IL16: variants seen among roughly 807,000 people sequenced by gnomAD.
IL16 encodes the protein pro-interleukin-16.
IL16 carries 67 observed loss-of-function variants against 110.1 expected under a neutral mutation model. The ratio of observed to expected loss-of-function variants is 0.61; its 90% CI spans 0.50 to 0.75. IL16 has a LOEUF of 0.75. IL16 is among the 30% of genes least tolerant of loss of function. IL16 has a pLI of 0.00. For synonymous variants in IL16, 689 were observed against 662.9 expected, an observed-to-expected ratio of 1.04 and a Z score of -0.61; for missense variants, 1,545 against 1,655.0, an observed-to-expected ratio of 0.93 and a Z score of 1.15.
At chr15:81,216,248 G>A (rs1169784066) in intron 1 of IL16, among the ~76,000 whole-genome samples, 2 of 152,158 alleles carry the variant, frequency 1.3e-5, no homozygotes, top group Non-Finnish European at 2.9e-5. Context: ...TGTTCCCTGG[G>A]GAGATCCCCC....
chr15:81,231,448 A>T (rs1261015018), intron 2 of IL16, among the ~76,000 whole-genome samples: 1 of 149,750 alleles, frequency 6.7e-6, no homozygotes, highest in Admixed American at 6.8e-5. Flanking sequence ...ACATGGGCTC[A>T]CCACAACCTC....
intron 10 of IL16, among the ~76,000 whole-genome samples, chr15:81,286,608 G>A (rs148147416): frequency 2.3e-4 from 35 of 152,284 alleles, no homozygotes; most frequent in African/African-American, 8.4e-4. Context: ...AGCTGTAGAA[G>A]GAGCATGTTC....
intron 18 of IL16, chr15:81,306,885 A>G: frequency 2.7e-6 from 1 of 370,334 alleles, no homozygotes; most frequent in South Asian, 2.4e-5. Context: ...AGTAACTCAG[A>G]TCGATACTAT....
At chr15:81,254,657 C>T (rs1241297939) in intron 2 of IL16, among the ~76,000 whole-genome samples, 1 of 152,168 alleles carries the variant, frequency 6.6e-6, no homozygotes, top group Non-Finnish European at 1.5e-5. Flanking sequence ...ATGATTTTGA[C>T]AGCCCCTGAC....
At chr15:81,200,841 C>A (rs1595939716) in intron 1 of IL16, among the ~76,000 whole-genome samples, 1 of 152,162 alleles carries the variant, frequency 6.6e-6, no homozygotes, top group East Asian at 1.9e-4. Flanking sequence ...CCTGAGTCAG[C>A]CATAAGCTCA....
At chr15:81,248,969 C>G (rs62035272) in intron 2 of IL16, among the ~76,000 whole-genome samples, 3,822 of 152,162 alleles carry the variant, frequency 0.025, 76 homozygotes, top group Middle Eastern at 0.058. Context: ...GATCTGCCCG[C>G]TTCTGCATCC....
At chr15:81,306,861 G>A (rs939385131) in intron 18 of IL16, 1 of 411,104 alleles carries the variant, frequency 2.4e-6, no homozygotes, top group African/African-American at 2.0e-5. Context: ...TTTTAAAGGG[G>A]TGCCAAAACA....
intron 18 of IL16, chr15:81,306,846 C>T (rs1900594730): frequency 4.6e-6 from 2 of 431,090 alleles, no homozygotes; most frequent in Admixed American, 3.5e-5. Context: ...GCCTGTGGGG[C>T]AGAATTTTAA....
intron 1 of IL16, among the ~76,000 whole-genome samples, chr15:81,210,817 A>G (rs1348838399): frequency 6.6e-6 from 1 of 152,106 alleles, no homozygotes; most frequent in Non-Finnish European, 1.5e-5. Context: ...TTCTTTTCCT[A>G]TTTGTATGCT....
intron 3 of IL16, among the ~76,000 whole-genome samples, 197 bp from the exon 4 acceptor site, chr15:81,265,462 C>T (rs1898333285): frequency 6.6e-6 from 1 of 152,160 alleles, no homozygotes; most frequent in Non-Finnish European, 1.5e-5. Context: ...GCAGTACAGA[C>T]AGCATGCGTG....
intron 1 of IL16, among the ~76,000 whole-genome samples, chr15:81,221,385 A>G (rs1284973227): frequency 6.6e-6 from 1 of 152,126 alleles, no homozygotes; most frequent in Non-Finnish European, 1.5e-5. Context: ...GAGCCTGGGG[A>G]AAGATAAGGG....
chr15:81,252,798 T>C (rs1897811874), intron 2 of IL16, among the ~76,000 whole-genome samples: 2 of 152,256 alleles, frequency 1.3e-5, no homozygotes, highest in Non-Finnish European at 2.9e-5. Flanking sequence ...ATCCATGTTG[T>C]AGCATGTATC....
chr15:81,197,046 C>T lies in IL16; in HGVS notation c.-208C>T, dbSNP rs958708825. 9 of 1,288,710 alleles carry T rather than the reference C, an allele frequency of 7.0e-6. No homozygotes were observed. Among genetic ancestry groups the T allele is most frequent in the Non-Finnish European group, 8.1e-6 (8 of 988,564 alleles). 79.8% of individuals were successfully genotyped at this position (1,288,710 alleles called of 1,614,324 possible). A position where few individuals can be genotyped will look rare whatever the true frequency, so the allele number is the denominator to read the frequency against. On this transcript the variant is annotated 5_prime_UTR_variant, in exon 1 of 19. Transcript: ENST00000683961. ...CTCTGACCCAGGCCTGGGCCACAGG[C>T]TGTCCGGGAATAAGTGGTGCTGCAA...
At chr15:81,294,923 C>T (rs1899913566) in intron 12 of IL16, among the ~76,000 whole-genome samples, 2 of 152,130 alleles carry the variant, frequency 1.3e-5, no homozygotes, top group South Asian at 2.1e-4. Flanking sequence ...CCCACTTTTC[C>T]CTCCCTGCAG....
At chr15:81,232,055 T>TTG (rs1897019934) in intron 2 of IL16, among the ~76,000 whole-genome samples, 6 of 141,530 alleles carry the variant, frequency 4.2e-5, no homozygotes, top group Non-Finnish European at 7.6e-5. Context: ...TTTTTTTTTT[T>TTG]TTTTTTTTTT....
intron 1 of IL16, among the ~76,000 whole-genome samples, chr15:81,221,690 A>C (rs769651117): frequency 2.0e-5 from 3 of 151,876 alleles, no homozygotes; most frequent in Non-Finnish European, 2.9e-5. Flanking sequence ...CTTTAAAAAA[A>C]AAAATCCATA....
In IL16 at chr15:81,312,166, TC is replaced by T. The variant is rs1304022977; in HGVS notation, c.*3371del. ...GAGGTTGCTAGAGAATGTTAGAGGA[TC>T]CCTCTCTGGATTGGAGATAGGGAAA... On this transcript the variant is annotated 3_prime_UTR_variant, in exon 19 of 19. Coordinates refer to ENST00000683961, the MANE Select transcript of IL16 (RefSeq NM_172217.5). 3.3e-5 allele frequency: 5 copies of T among 152,120 alleles called. No homozygotes were observed. The highest frequency in any genetic ancestry group is 5.9e-5 in the Non-Finnish European group (4 of 68,038). The allele number at this position is 152,120 out of a possible 1,614,324, so 9.4% of individuals were successfully genotyped here. A position where few individuals can be genotyped will look rare whatever the true frequency, so the allele number is the denominator to read the frequency against.
chr15:81,204,520 T>G lies in IL16; in HGVS notation c.-102+7368T>G, dbSNP rs183518458. ...CCATCAATACCTAATTTATTGAGAG[T>G]TTTTAGCATGATGGGTTGTTGAATT... On this transcript the variant is annotated intron_variant, in intron 1 of 18. Coordinates refer to ENST00000683961, the MANE Select transcript of IL16 (RefSeq NM_172217.5). Among the ~76,000 whole-genome samples, 943 of 151,756 alleles carry G rather than the reference T, an allele frequency of 6.2e-3. 8 individuals carry two copies. Among genetic ancestry groups the G allele is most frequent in the Non-Finnish European group, 0.011 (730 of 67,950 alleles).
At chr15:81,304,613 T>C (rs1415234138) in intron 16 of IL16, among the ~76,000 whole-genome samples, 1 of 152,200 alleles carries the variant, frequency 6.6e-6, no homozygotes, top group African/African-American at 2.4e-5. Flanking sequence ...TCTAAATTCA[T>C]CCTACCCACA....
Sources: allele counts gnomAD v4.1 joint callset (sites outside exome capture counted in the v4.1 genomes callset), GRCh38; gene constraint gnomAD v4.1.1; transcripts MANE v1.5; gene names NCBI Gene and HGNC (gene_info 2026-07-23, HGNC 2026-07-21).